The following TRDMT1 variants were observed in gnomAD, a reference collection of about 807,000 sequenced individuals.
TRDMT1 encodes the protein tRNA aspartic acid methyltransferase 1, also known as tRNA (cytosine(38)-C(5))-methyltransferase.
TRDMT1 carries 49 observed loss-of-function variants against 51.2 expected under a neutral mutation model. The observed-to-expected ratio is 0.96, with a 90% confidence interval of 0.76 to 1.21. The LOEUF is 1.21. Ranked by LOEUF, TRDMT1 falls within the 50% of genes most tolerant of loss-of-function variation. TRDMT1 has a pLI of 0.00. For synonymous variants in TRDMT1, 187 were observed against 164.6 expected (o/e 1.14, Z -1.04); for missense variants, 534 against 462.3 (o/e 1.16, Z -1.42).
At chr10:17,191,031 G>A (rs1438193039) in intron 1 of TRDMT1, among the ~76,000 whole-genome samples, 2 of 152,184 alleles carry the variant, frequency 1.3e-5, no homozygotes, top group Non-Finnish European at 2.9e-5. Flanking sequence ...GGATGGGCCT[G>A]ACAGATATCA....
rs1295178547 is a variant in TRDMT1, at chr10:17,147,153, T to G, written c.*1887A>C. 1 of 985,778 alleles carries G rather than the reference T, an allele frequency of 1.0e-6. No homozygotes were observed. The highest frequency in any genetic ancestry group is 1.2e-6 in the Non-Finnish European group (1 of 829,856). The allele number at this position is 985,778 out of a possible 1,614,324, so 61.1% of individuals were successfully genotyped here. On this transcript the variant is annotated 3_prime_UTR_variant, in exon 11 of 11. Coordinates refer to ENST00000377799, the MANE Select transcript of TRDMT1 (RefSeq NM_004412.7). ...TAATTATTCATAGTTACAGTAAAAC[T>G]CTAAACCATTTTATTTAGAATATTT...
At chr10:17,175,973 C>T (rs1842573507) in intron 1 of TRDMT1, among the ~76,000 whole-genome samples, 1 of 152,228 alleles carries the variant, frequency 6.6e-6, no homozygotes, top group East Asian at 1.9e-4. Flanking sequence ...CCATAGACAG[C>T]TGCCTCTTCT....
At position 17,148,026 on chromosome 10, in the gene TRDMT1, GTTTCT is replaced by G; in HGVS notation, c.*1009_*1013del. Reference sequence around the variant, plus strand: ...ATCTTGTAATATGATTTCTGGACTTGTTTCTTTTCATCTCTCTTCTCTTTGTCACT... The same window carrying G: ...ATCTTGTAATATGATTTCTGGACTTGTTTCATCTCTCTTCTCTTTGTCACT... On this transcript the variant is annotated 3_prime_UTR_variant, in exon 11 of 11. Coordinates refer to ENST00000377799, the MANE Select transcript of TRDMT1 (RefSeq NM_004412.7). 1.0e-6 allele frequency: 1 copy of G among 985,006 alleles called. No homozygotes were observed. Among genetic ancestry groups the G allele is most frequent in the Non-Finnish European group, 1.2e-6 (1 of 829,582 alleles). 61.0% of individuals were successfully genotyped at this position (985,006 alleles called of 1,614,324 possible). A position where few individuals can be genotyped will look rare whatever the true frequency, so the allele number is the denominator to read the frequency against.
At chr10:17,151,977 C>A in intron 10 of TRDMT1, 1 of 1,281,138 alleles carries the variant, frequency 7.8e-7, no homozygotes. Context: ...TACCAAGGTT[C>A]AGTATTACCA....
intron 7 of TRDMT1, among the ~76,000 whole-genome samples, chr10:17,158,593 C>T (rs894983035): frequency 6.6e-5 from 10 of 152,058 alleles, no homozygotes; most frequent in African/African-American, 9.7e-5. Context: ...TATCCATCCC[C>T]GTTTTTTGAC....
chr10:17,179,886 G>T (rs189433999), intron 1 of TRDMT1, among the ~76,000 whole-genome samples: 41 of 152,286 alleles, frequency 2.7e-4, no homozygotes, highest in Admixed American at 2.6e-3. Context: ...AGGTATTGGG[G>T]AAAGGATTTT....
chr10:17,185,413 G>C lies in TRDMT1; in HGVS notation c.65-10753C>G, dbSNP rs559297386. ...TAGAATGGCGATCATTAAAAAGTCA[G>C]GAAACAACAGGTGCTGGAGAGGATG... On this transcript the variant is annotated intron_variant, in intron 1 of 10. Coordinates refer to ENST00000377799, the MANE Select transcript of TRDMT1 (RefSeq NM_004412.7). Among the ~76,000 whole-genome samples the C allele has an allele frequency of 3.5e-5, 4 of 113,408 alleles. No homozygotes were observed. The Admixed American group carries it at 3.8e-4, about 11-fold the overall frequency. The allele number at this position is 113,408 out of a possible 152,430, so 74.4% of individuals were successfully genotyped here.
Position 17,143,052 on chromosome 10 carries a change from TA to T in TRDMT1, c.*5987del, listed in dbSNP as rs754857760. ...AAAAGCCTATCCCAGAATTATTTTT[TA>T]AATCATGTGTTCCAGACTTGAGTAA... On this transcript the variant is annotated 3_prime_UTR_variant, in exon 11 of 11. Coordinates refer to ENST00000377799, the MANE Select transcript of TRDMT1 (RefSeq NM_004412.7). 514 of 985,448 alleles carry T rather than the reference TA, an allele frequency of 5.2e-4. No individual in the cohort carries two copies. The highest frequency in any genetic ancestry group is 6.0e-4 in the Non-Finnish European group (498 of 829,930). 61.0% of individuals were successfully genotyped at this position (985,448 alleles called of 1,614,324 possible).
chr10:17,185,169 T>C (rs1054462596), intron 1 of TRDMT1, among the ~76,000 whole-genome samples: 1 of 152,222 alleles, frequency 6.6e-6, no homozygotes, highest in African/African-American at 2.4e-5. Flanking sequence ...TGGCATATAA[T>C]AAATGTTTGC....
Position 17,159,209 on chromosome 10 carries a change from C to A in TRDMT1, c.480G>T (p.Arg160Ser), listed in dbSNP as rs937354724. 5.0e-6 allele frequency: 8 copies of A among 1,601,720 alleles called. No individual in the cohort carries two copies. Among genetic ancestry groups the A allele is most frequent in the African/African-American group, 2.7e-5 (2 of 74,476 alleles). ...SPTSLGIPNSRLRYFLIAKLQ... is the reference protein window; with the variant it reads ...SPTSLGIPNSSLRYFLIAKLQ... ...GCTTTGCAATAAGAAAATATCGTAG[C>A]CTTGAATTTGGAATGCCAAGCTGTA... The change falls in exon 7 of 11, where the codon AGG becomes AGT. Residue 160 changes from arginine to serine, a missense_variant. Coordinates refer to ENST00000377799, the MANE Select transcript of TRDMT1 (RefSeq NM_004412.7).
chr10:17,161,438 A>C (rs1327994990), intron 5 of TRDMT1, 45 bp downstream of exon 5: 1 of 1,296,502 alleles, frequency 7.7e-7, no homozygotes, highest in South Asian at 1.6e-5. Flanking sequence ...CTACTATAAG[A>C]TATACCAAGT....
At position 17,139,796 on chromosome 10, in the gene TRDMT1, T is replaced by C. The variant is rs1447255004; in HGVS notation, c.*9244A>G. Among the ~76,000 whole-genome samples, 3 of 152,176 alleles carry C rather than the reference T, an allele frequency of 2.0e-5. No homozygotes were observed. The highest frequency in any genetic ancestry group is 4.4e-5 in the Non-Finnish European group (3 of 68,030). ...GGAAGATTTAAGGTGTTGTCATCAA[T>C]GGCAGAAAGGATGAGATGACCTCAC... On this transcript the variant is annotated 3_prime_UTR_variant, in exon 11 of 11. Transcript: ENST00000377799.
At chr10:17,169,014 T>G (rs1841608311) in intron 2 of TRDMT1, 97 bp from the exon 3 acceptor site, 1 of 806,430 alleles carries the variant, frequency 1.2e-6, no homozygotes, top group Non-Finnish European at 1.9e-6. Flanking sequence ...TATCAGAAAC[T>G]GAAACAGTTT....
intron 10 of TRDMT1, chr10:17,151,347 A>C: frequency 2.0e-6 from 2 of 985,118 alleles, no homozygotes; most frequent in Non-Finnish European, 2.4e-6. Flanking sequence ...TTTCACCCGT[A>C]AGGACAGGTT....
At chr10:17,181,604 G>A (rs915236360) in intron 1 of TRDMT1, among the ~76,000 whole-genome samples, 7 of 152,100 alleles carry the variant, frequency 4.6e-5, no homozygotes, top group Non-Finnish European at 1.0e-4. Flanking sequence ...AGCTTAAAAA[G>A]TATTTAATAT....
chr10:17,149,264 A>C (rs925582436), intron 10 of TRDMT1, 124 bp from the exon 11 acceptor site: 12 of 716,178 alleles, frequency 1.7e-5, no homozygotes, highest in Non-Finnish European at 2.7e-5. Context: ...GTCTCCATGA[A>C]GTTTTATTAA....
At chr10:17,197,687 G>A (rs547137482) in intron 1 of TRDMT1, among the ~76,000 whole-genome samples, 2 of 152,262 alleles carry the variant, frequency 1.3e-5, no homozygotes, top group South Asian at 2.1e-4. Context: ...CAAAGGCCTT[G>A]AACAGACACT....
rs1837455552 is a variant in TRDMT1 at position 17,137,661 on chromosome 10, T to A, written c.*11379A>T. 1 of 152,046 alleles carries A rather than the reference T, an allele frequency of 6.6e-6. No homozygotes were observed. The highest frequency in any genetic ancestry group is 6.6e-5 in the Admixed American group (1 of 15,260). The allele number at this position is 152,046 out of a possible 1,614,324, so 9.4% of individuals were successfully genotyped here. A position where few individuals can be genotyped will look rare whatever the true frequency, so the allele number is the denominator to read the frequency against. ...AGCCAAAATGGTGAAACCCTGTCTC[T>A]ACTAAAAATACAAAAAAATTAGCCG... On this transcript the variant is annotated 3_prime_UTR_variant, in exon 11 of 11. Coordinates refer to ENST00000377799, the MANE Select transcript of TRDMT1 (RefSeq NM_004412.7).
intron 1 of TRDMT1, among the ~76,000 whole-genome samples, chr10:17,188,451 G>A (rs1420078825): frequency 2.2e-5 from 1 of 44,788 alleles, no homozygotes. Flanking sequence ...TATTTATTGA[G>A]CATGACTGAC....
Sources: allele counts gnomAD v4.1 joint callset (sites outside exome capture counted in the v4.1 genomes callset), GRCh38; gene constraint gnomAD v4.1.1; transcripts MANE v1.5; gene names NCBI Gene and HGNC (gene_info 2026-07-23, HGNC 2026-07-21).